Variants in PAX2 observed in about 807,000 individuals in gnomAD.
PAX2 encodes paired box protein Pax-2.
A neutral mutation model predicts 41.7 loss-of-function variants in PAX2; 9 were observed. The ratio of observed to expected loss-of-function variants is 0.22; its 90% CI spans 0.13 to 0.38. The LOEUF (loss-of-function observed/expected upper bound fraction) is 0.38, where lower values mean the gene tolerates loss of function less well. Among genes scored for constraint, PAX2 ranks in the 10% least tolerant of loss-of-function variants. PAX2 has a pLI of 1.00. For missense variants in PAX2, 418 were observed against 531.6 expected, an observed-to-expected ratio of 0.79 and a Z score of 2.10; for synonymous variants, 221 against 212.7, an observed-to-expected ratio of 1.04 and a Z score of -0.34.
intron 5 of PAX2, among the ~76,000 whole-genome samples, chr10:100,804,164 C>T (rs998601790): frequency 6.6e-6 from 1 of 151,938 alleles, no homozygotes; most frequent in Non-Finnish European, 1.5e-5. Flanking sequence ...TAATCTCTCG[C>T]AAATTTAGAG....
Position 100,823,368 on chromosome 10 carries a change from G to C in PAX2, c.920-1280G>C, listed in dbSNP as rs56392920. ...TAGCTAGGGAAGGATAAATCACTCA[G>C]ACGTGTCAAGGTAGGGATGAGGAAA... On this transcript the variant is annotated intron_variant, in intron 7 of 9. Transcript: ENST00000355243. Among the ~76,000 whole-genome samples the C allele has an allele frequency of 3.5e-3, 540 of 152,302 alleles. 5 individuals are homozygous for C. The highest frequency in any genetic ancestry group is 0.013 in the African/African-American group (526 of 41,566).
Position 100,824,855 on chromosome 10 carries a change from G to A in PAX2, c.1021+106G>A, listed in dbSNP as rs746022466. On this transcript the variant is annotated intron_variant, in intron 8 of 9. Transcript: ENST00000355243. This position sits in a 1 kb window ranked among gnomAD's most constrained non-coding sequence, Gnocchi z 6.6. Reference sequence around the variant, plus strand: ...AGGCTGGGGTGGGGGGAGACACAACGTCCCCTCCCTGCAAACCACTGCTAT... The same window carrying A: ...AGGCTGGGGTGGGGGGAGACACAACATCCCCTCCCTGCAAACCACTGCTAT... 18 of 1,548,318 alleles carry A rather than the reference G, an allele frequency of 1.2e-5. No individual in the cohort carries two copies. Among genetic ancestry groups the A allele is most frequent in the Admixed American group, 5.0e-5 (3 of 59,902 alleles).
intron 1 of PAX2, among the ~76,000 whole-genome samples, chr10:100,740,337 G>A (rs1844909099): frequency 6.6e-6 from 1 of 152,128 alleles, no homozygotes; most frequent in Non-Finnish European, 1.5e-5. Flanking sequence ...GTTGGGAGGG[G>A]GGTGCAGGAA....
At chr10:100,762,594 T>C (rs1382765997) in intron 3 of PAX2, among the ~76,000 whole-genome samples, 1 of 151,672 alleles carries the variant, frequency 6.6e-6, no homozygotes, top group East Asian at 1.9e-4. Context: ...ATAAGAAAAA[T>C]TAGTAGGGTA....
upstream of PAX2, among the ~76,000 whole-genome samples, chr10:100,741,436 C>T (rs1844953741): frequency 7.1e-6 from 1 of 140,802 alleles, no homozygotes; most frequent in African/African-American, 2.6e-5. Flanking sequence ...AAAAACCATC[C>T]TCCAACGTGA....
Position 100,791,952 on chromosome 10 carries a change from G to C in PAX2, c.616+10587G>C, listed in dbSNP as rs1241036409. Among the ~76,000 whole-genome samples, 1 of 152,200 alleles carries C rather than the reference G, an allele frequency of 6.6e-6. No homozygotes were observed. Among genetic ancestry groups the C allele is most frequent in the African/African-American group, 2.4e-5 (1 of 41,448 alleles). ...GACAGTGTGGGTGGTCTTGGGCAGT[G>C]GGTATGTGGTCCAGGCAGCAAAAGG... On this transcript the variant is annotated intron_variant, in intron 5 of 9. Transcript: ENST00000355243. The surrounding 1 kb of genome is among the most constrained non-coding windows in gnomAD (Gnocchi z 4.5).
At chr10:100,767,028 C>G (rs571647923) in intron 3 of PAX2, among the ~76,000 whole-genome samples, 28 of 152,308 alleles carry the variant, frequency 1.8e-4, no homozygotes, top group African/African-American at 6.5e-4. Context: ...CAATACAATA[C>G]CACAAAACAC....
rs751120697 is a variant in PAX2 at position 100,809,259 on chromosome 10, G to A, written c.919+23G>A. On this transcript the variant is annotated intron_variant, in intron 7 of 9. Transcript: ENST00000355243. Reference sequence around the variant, plus strand: ...CTGGTAAGGGGGCTTCCAGGAGGGTGGGGGCACTGCGTTCAGTGGAGGGTG... The same window carrying A: ...CTGGTAAGGGGGCTTCCAGGAGGGTAGGGGCACTGCGTTCAGTGGAGGGTG... 10 of 1,609,624 alleles carry A rather than the reference G, an allele frequency of 6.2e-6. No homozygotes were observed. The African/African-American group carries it at 1.1e-4, about 17-fold the overall frequency.
At chr10:100,776,191 C>T (rs1481293497) in intron 3 of PAX2, among the ~76,000 whole-genome samples, 2 of 152,214 alleles carry the variant, frequency 1.3e-5, no homozygotes, top group African/African-American at 4.8e-5. Flanking sequence ...CTTTCCTCTC[C>T]TTTCGTTTTC....
chr10:100,747,616 G>A (rs1423905383), intron 1 of PAX2: 3 of 985,046 alleles, frequency 3.0e-6, no homozygotes, highest in Non-Finnish European at 3.6e-6. Flanking sequence ...AGAGAGCCGA[G>A]GAGGGAGAGC....
At chr10:100,825,198 A>G (rs1410218478) in intron 8 of PAX2, among the ~76,000 whole-genome samples, 1 of 152,126 alleles carries the variant, frequency 6.6e-6, no homozygotes, top group Admixed American at 6.5e-5. Flanking sequence ...ACCAAGACAC[A>G]AGGGAAGACC....
chr10:100,782,547 G>A (rs1375739456), intron 5 of PAX2, among the ~76,000 whole-genome samples: 1 of 152,244 alleles, frequency 6.6e-6, no homozygotes, highest in African/African-American at 2.4e-5. Flanking sequence ...GAGAGTGGGA[G>A]AGGCCAGGCC....
In PAX2 at chr10:100,783,441, G is replaced by T. The variant is rs1846715473; in HGVS notation, c.616+2076G>T. On this transcript the variant is annotated intron_variant, in intron 5 of 9. Coordinates refer to ENST00000355243, the MANE Select transcript of PAX2 (RefSeq NM_000278.5). ...AGGAAGGGCTGCTCTTTGAGGAGGG[G>T]CCTGAGGGATGAAGAGGAGAATGTT... Among the ~76,000 whole-genome samples, 4 of 152,200 alleles carry T rather than the reference G, an allele frequency of 2.6e-5. No individual in the cohort carries two copies. The South Asian group carries it at 8.3e-4, about 31-fold the overall frequency.
chr10:100,805,667 C>G (rs563355165), intron 5 of PAX2, among the ~76,000 whole-genome samples: 35 of 152,330 alleles, frequency 2.3e-4, no homozygotes, highest in African/African-American at 8.2e-4. Context: ...CAGGAGGAAC[C>G]AGGTGACCAA....
rs200491094 is a variant in PAX2, at chr10:100,806,469, G to C, written c.656G>C (p.Ser219Thr). ...TCAGTCCCCAATGGAGATTCCCAGA[G>C]TGGTGTGGACAGTTTGCGGAAGCAC... ...EGSVPNGDSQ[S>T]GVDSLRKHLR... The change falls in exon 6 of 10, where the codon AGT (serine) becomes ACT (threonine). Residue 219 changes from serine (S) to threonine (T), a missense_variant. Physicochemically the swap from Ser to Thr is moderately conservative, Grantham distance 58 (BLOSUM62 1). Coordinates refer to ENST00000355243, the MANE Select transcript of PAX2 (RefSeq NM_000278.5). The C allele has an allele frequency of 5.0e-6, 8 of 1,614,110 alleles. No homozygotes were observed. The highest frequency in any genetic ancestry group is 2.2e-5 in the East Asian group (1 of 44,886).
At chr10:100,763,446 T>G (rs1297811152) in intron 3 of PAX2, among the ~76,000 whole-genome samples, 1 of 152,230 alleles carries the variant, frequency 6.6e-6, no homozygotes, top group Non-Finnish European at 1.5e-5. Flanking sequence ...AAAGCATCTT[T>G]GATGTGTTCG....
In PAX2 at chr10:100,829,754, T is replaced by A. The variant is rs1174119204; in HGVS notation, c.*2135T>A. On this transcript the variant is annotated 3_prime_UTR_variant, in exon 10 of 10. Coordinates refer to ENST00000355243, the MANE Select transcript of PAX2 (RefSeq NM_000278.5). ...GGCGAGGGCGCCGAGGTCCGGCCCA[T>A]CCCAGTCCTGTGGGGCTGGCCGGGC... 1 of 204,444 alleles carries A rather than the reference T, an allele frequency of 4.9e-6. No homozygotes were observed. Among genetic ancestry groups the A allele is most frequent in the Non-Finnish European group, 1.0e-5 (1 of 99,342 alleles). 12.7% of individuals were successfully genotyped at this position (204,444 alleles called of 1,614,324 possible). A position where few individuals can be genotyped will look rare whatever the true frequency, so the allele number is the denominator to read the frequency against.
chr10:100,802,293 A>G (rs536757786), intron 5 of PAX2, among the ~76,000 whole-genome samples: 1 of 152,264 alleles, frequency 6.6e-6, no homozygotes, highest in South Asian at 2.1e-4. Context: ...TCAAATGTAG[A>G]TGTGTTCTCC....
chr10:100,776,266 C>G (rs370231901), intron 3 of PAX2, among the ~76,000 whole-genome samples: 18 of 152,332 alleles, frequency 1.2e-4, no homozygotes, highest in East Asian at 3.9e-4. Flanking sequence ...TATGCATTCC[C>G]TAACCTTGTT....
Sources: allele counts gnomAD v4.1 joint callset (sites outside exome capture counted in the v4.1 genomes callset), GRCh38; gene constraint gnomAD v4.1.1; non-coding constraint Gnocchi (gnomAD v3.1); transcripts MANE v1.5; gene names NCBI Gene and HGNC (gene_info 2026-07-23, HGNC 2026-07-21).